The following SPTBN2 variants were observed in gnomAD, a reference collection of about 807,000 sequenced individuals.
The protein encoded by SPTBN2 is spectrin beta chain, non-erythrocytic 2.
In SPTBN2, 107 loss-of-function variants were observed where a neutral mutation model predicts 284.2. The observed-to-expected ratio is 0.38, with a 90% CI of 0.32 to 0.44. SPTBN2 has a LOEUF of 0.44. Among genes scored for constraint, SPTBN2 ranks in the 20% least tolerant of loss-of-function variants. SPTBN2 has a pLI of 1.00. For missense variants in SPTBN2, 2,569 were observed against 3,287.1 expected (o/e 0.78, Z 5.34); for synonymous variants, 1,289 against 1,354.8 (o/e 0.95, Z 1.07).
chr11:66,698,643 T>C lies in SPTBN2; in HGVS notation c.4010A>G (p.Asp1337Gly), dbSNP rs1590931595. The change falls in exon 20 of 38, where the codon GAC becomes GGC. Residue 1337 changes from aspartate (D) to glycine (G), a missense_variant. Asp to Gly is a moderately conservative substitution (Grantham distance 94). This residue lies in a region of SPTBN2 where 50 missense variants were observed against 48.1 expected (regional missense o/e 1.04). Coordinates refer to ENST00000533211, the MANE Select transcript of SPTBN2 (RefSeq NM_006946.4). ...AANKDWLDKVDKEGRELTLEK... is the reference protein window; with the variant it reads ...AANKDWLDKVGKEGRELTLEK... ...AGCCCCCACAGCACTGCTCACCTTG[T>C]CCACCTTGTCCAGCCAGTCTTTGTT... is the stretch of plus-strand genomic sequence containing the variant. 6.2e-7 allele frequency: 1 copy of C among 1,614,174 alleles called. No individual in the cohort carries two copies. Among genetic ancestry groups the C allele is most frequent in the Non-Finnish European group, 8.5e-7 (1 of 1,180,030 alleles).
chr11:66,723,134 C>T (rs962725218), intron 1 of SPTBN2, among the ~76,000 whole-genome samples: 2 of 151,666 alleles, frequency 1.3e-5, no homozygotes, highest in African/African-American at 2.4e-5. Context: ...GCACTACTTA[C>T]GGCTCTAACT....
At chr11:66,713,362 G>C (rs1941978357) in intron 8 of SPTBN2, among the ~76,000 whole-genome samples, 1 of 151,596 alleles carries the variant, frequency 6.6e-6, no homozygotes, top group African/African-American at 2.4e-5. Context: ...TGTTGCCCAG[G>C]CTGGTACCAA....
chr11:66,693,374 C>T lies in SPTBN2; in HGVS notation c.4666G>A (p.Ala1556Thr), dbSNP rs2135360411. 1 of 1,603,618 alleles carries T rather than the reference C, an allele frequency of 6.2e-7. No individual in the cohort carries two copies. The highest frequency in any genetic ancestry group is 8.5e-7 in the Non-Finnish European group (1 of 1,179,960). ...GCCAGCTCTGGACCTGCTGCTGCTG[C>T]ACCTAGAGCACGCTGCCGCTCCCTC... Reference protein sequence around the residue: ...DLRERQRALGAAAAGPELAEL... With the variant: ...DLRERQRALGTAAAGPELAEL... Residue 1556 changes from alanine (A) to threonine (T), a missense_variant, in exon 24 of 38, where the codon GCA becomes ACA. By Grantham distance (58) the Ala-to-Thr change is moderately conservative. Coordinates refer to ENST00000533211, the MANE Select transcript of SPTBN2 (RefSeq NM_006946.4). The surrounding 1 kb of genome is among the most constrained non-coding windows in gnomAD (Gnocchi z 5.7).
At position 66,727,617 on chromosome 11, in the gene SPTBN2, C is replaced by A. The variant is rs531815366; in HGVS notation, c.-114+1124G>T. Among the ~76,000 whole-genome samples, 63 of 152,220 alleles carry A rather than the reference C, an allele frequency of 4.1e-4. 1 individual carries two copies. In the South Asian group the frequency reaches 0.011, roughly 27 times the overall value. ...CCGCCCGAAGCGTCTGCTTTCTCCCCGGGCCAGTTCCGGCCACCACAGCCA... is the reference window on the plus strand; with the variant it reads ...CCGCCCGAAGCGTCTGCTTTCTCCCAGGGCCAGTTCCGGCCACCACAGCCA... On this transcript the variant is annotated intron_variant, in intron 1 of 37. Coordinates refer to ENST00000533211, the MANE Select transcript of SPTBN2 (RefSeq NM_006946.4).
chr11:66,687,291 C>A lies in SPTBN2; in HGVS notation c.6723-124G>T. 1 of 1,545,928 alleles carries A rather than the reference C, an allele frequency of 6.5e-7. No individual in the cohort carries two copies. Among genetic ancestry groups the A allele is most frequent in the South Asian group, 1.1e-5 (1 of 88,662 alleles). On this transcript the variant is annotated intron_variant, in intron 35 of 37. Coordinates refer to ENST00000533211, the MANE Select transcript of SPTBN2 (RefSeq NM_006946.4). The surrounding 1 kb of genome is among the most constrained non-coding windows in gnomAD (Gnocchi z 5.2). ...GGCCACGGTCTTCACACCCTCTGGT[C>A]CTCCCCTGAGGCCCCGCTCTGGTCC...
chr11:66,732,981 C>CA (rs57325257), upstream of SPTBN2, among the ~76,000 whole-genome samples: 1,549 of 118,766 alleles, frequency 0.013, 6 homozygotes, highest in African/African-American at 0.02. Flanking sequence ...ACCAACCAAC[C>CA]AAAAAAAAAA....
In SPTBN2 at chr11:66,718,220, G is replaced by A. The variant is rs191628819; in HGVS notation, c.158-2239C>T. 2.2e-4 allele frequency among the ~76,000 whole-genome samples: 34 copies of A among 152,172 alleles called. No homozygotes were observed. Among genetic ancestry groups the A allele is most frequent in the African/African-American group, 7.7e-4 (32 of 41,444 alleles). ...CACACCCACCCATGCCATCATACAC[G>A]GTCCCTGCCAGCAGGTCCAAGCCTT... On this transcript the variant is annotated intron_variant, in intron 3 of 37. Coordinates refer to ENST00000533211, the MANE Select transcript of SPTBN2 (RefSeq NM_006946.4). This position sits in a 1 kb window ranked among gnomAD's most constrained non-coding sequence, Gnocchi z 4.8.
intron 1 of SPTBN2, among the ~76,000 whole-genome samples, chr11:66,722,345 C>T (rs550263212): frequency 6.2e-4 from 94 of 151,784 alleles, no homozygotes; most frequent in African/African-American, 1.8e-3. Context: ...GAGGCCAAGG[C>T]GGGCGGATCA....
At chr11:66,705,529 C>T in intron 14 of SPTBN2, 61 bp from the exon 15 acceptor site, 1 of 1,610,010 alleles carries the variant, frequency 6.2e-7, no homozygotes, top group South Asian at 1.1e-5. Flanking sequence ...CTCCCTGCCA[C>T]CACACTCTCT....
chr11:66,690,273 A>G lies in SPTBN2; in HGVS notation c.5576T>C (p.Val1859Ala). Residue 1859 changes from valine to alanine, a missense_variant, in exon 28 of 38, where the codon GTG (valine) becomes GCG (alanine). Val to Ala is a moderately conservative substitution (Grantham distance 64). Around this residue, in one of 6 missense-constraint regions of SPTBN2, gnomAD observed 1,130 missense variants for 1,317.3 expected, o/e 0.86. Coordinates refer to ENST00000533211, the MANE Select transcript of SPTBN2 (RefSeq NM_006946.4). ...CTGGAGCCGGTGGCCGTCGTCCTGC[A>G]CCTGCTGGACCTGCGGAGCCCCGGG... Reference protein sequence around the residue: ...IQALSPQVQQVQDDGHRLQKA... With the variant: ...IQALSPQVQQAQDDGHRLQKA... 6.2e-7 allele frequency: 1 copy of G among 1,606,956 alleles called. No homozygotes were observed. The highest frequency in any genetic ancestry group is 8.5e-7 in the Non-Finnish European group (1 of 1,177,378).
intron 1 of SPTBN2, 136 bp downstream of exon 1, chr11:66,728,605 G>C (rs1942727024): frequency 6.6e-6 from 1 of 151,850 alleles, no homozygotes; most frequent in South Asian, 2.1e-4. Context: ...CGCGGCAGCA[G>C]CTCCGAGGCC....
chr11:66,698,751 G>T lies in SPTBN2; in HGVS notation c.3902C>A (p.Ala1301Asp). Residue 1301 changes from alanine (A) to aspartate (D), a missense_variant, in exon 20 of 38, where the codon GCC becomes GAC. Coordinates refer to ENST00000533211, the MANE Select transcript of SPTBN2 (RefSeq NM_006946.4). The stretch of plus-strand genomic sequence containing the variant: ...GGCCTCGTCATAGGACACGTCCTGG[G>T]CTGTCAGCATCTTCTCGTCGATCCA... ...KLWIDEKMLT[A>D]QDVSYDEARN... 2 of 1,614,132 alleles carry T rather than the reference G, an allele frequency of 1.2e-6. No homozygotes were observed. Among genetic ancestry groups the T allele is most frequent in the Non-Finnish European group, 1.7e-6 (2 of 1,180,048 alleles).
intron 27 of SPTBN2, 33 bp from the exon 28 acceptor site, chr11:66,690,316 G>A (rs754398805): frequency 2.1e-5 from 33 of 1,565,898 alleles, no homozygotes; most frequent in Admixed American, 1.3e-4. Context: ...CAGGCAGAGC[G>A]GGGGACTCCA....
chr11:66,712,839 T>A (rs1941945504), intron 8 of SPTBN2: 1 of 152,994 alleles, frequency 6.5e-6, no homozygotes, highest in Non-Finnish European at 1.5e-5. Flanking sequence ...GGTTCAGTCC[T>A]CCTTAGGTAA....
intron 1 of SPTBN2, among the ~76,000 whole-genome samples, chr11:66,737,008 C>T (rs1402766193): frequency 6.6e-6 from 1 of 152,190 alleles, no homozygotes; most frequent in Non-Finnish European, 1.5e-5. Flanking sequence ...GCTTCCTCAT[C>T]TGTAAATCAG....
In SPTBN2 at chr11:66,691,549, G is replaced by A; in HGVS notation, c.5300C>T (p.Ala1767Val). 1 of 1,613,324 alleles carries A rather than the reference G, an allele frequency of 6.2e-7. No individual in the cohort carries two copies. The highest frequency in any genetic ancestry group is 8.5e-7 in the Non-Finnish European group (1 of 1,180,040). Residue 1767 changes from alanine to valine, a missense_variant, in exon 27 of 38, where the codon GCT becomes GTT. Ala to Val is a moderately conservative substitution (Grantham distance 64, BLOSUM62 0). Transcript: ENST00000533211. The surrounding 1 kb of genome is among the most constrained non-coding windows in gnomAD (Gnocchi z 8.0). Reference protein sequence around the residue: ...LANGLIAGGHAARATVAEWKD... With the variant: ...LANGLIAGGHVARATVAEWKD... Reference sequence around the variant, plus strand: ...CCACTCGGCCACGGTGGCCCGTGCAGCATGGCCCCCAGCAATGAGCCCATT... The same window carrying A: ...CCACTCGGCCACGGTGGCCCGTGCAACATGGCCCCCAGCAATGAGCCCATT...
At position 66,687,850 on chromosome 11, in the gene SPTBN2, A is replaced by G. The variant is rs1241256521; in HGVS notation, c.6501+18T>C. The G allele has an allele frequency of 6.2e-7, 1 of 1,613,514 alleles. No individual in the cohort carries two copies. Among genetic ancestry groups the G allele is most frequent in the Admixed American group, 1.7e-5 (1 of 59,974 alleles). ...TTCGCCTCACAGTTATCAACACCAC[A>G]CTTGCAGGGGAACTCACCGGCCCTT... is the stretch of plus-strand genomic sequence containing the variant. On this transcript the variant is annotated intron_variant, in intron 34 of 37. Coordinates refer to ENST00000533211, the MANE Select transcript of SPTBN2 (RefSeq NM_006946.4). This position sits in a 1 kb window ranked among gnomAD's most constrained non-coding sequence, Gnocchi z 5.2.
chr11:66,706,611 G>A (rs927843257), intron 13 of SPTBN2, among the ~76,000 whole-genome samples: 7 of 147,934 alleles, frequency 4.7e-5, no homozygotes, highest in South Asian at 2.1e-4. Flanking sequence ...GATTATAGGC[G>A]TGAGCCACCT....
chr11:66,742,721 T>A (rs1304216200), intron 1 of SPTBN2, among the ~76,000 whole-genome samples: 1 of 152,090 alleles, frequency 6.6e-6, no homozygotes. Context: ...GCAATTCTCC[T>A]GCCTCAGCCT....
Sources: gnomAD v4.1 joint callset for allele counts (sites outside exome capture counted in the v4.1 genomes callset) on GRCh38, gnomAD v4.1.1 for gene constraint, gnomAD v4.1.1 regional missense constraint, Gnocchi (gnomAD v3.1) non-coding constraint, MANE v1.5 for transcripts, NCBI Gene and HGNC (gene_info 2026-07-23, HGNC 2026-07-21) for gene names.